Variants in RIMS2 observed in about 807,000 individuals in gnomAD.
The protein encoded by RIMS2 is regulating synaptic membrane exocytosis 2.
Under a neutral mutation model 174.4 loss-of-function variants are expected in RIMS2, and 59 were observed. That is an observed-to-expected ratio of 0.34 (90% CI 0.27 to 0.42). The LOEUF is 0.42. Among genes scored for constraint, RIMS2 ranks in the 10% least tolerant of loss-of-function variants. The probability of loss-of-function intolerance (pLI) is 1.00; values close to 1 mark genes in which losing one functional copy is unlikely to be tolerated. For missense variants in RIMS2, 1,620 were observed against 1,666.3 expected, an observed-to-expected ratio of 0.97 and a Z score of 0.48; for synonymous variants, 606 against 572.5, an observed-to-expected ratio of 1.06 and a Z score of -0.84.
intron 1 of RIMS2, among the ~76,000 whole-genome samples, chr8:103,640,268 C>T (rs992360415): frequency 2.0e-5 from 3 of 151,618 alleles, no homozygotes; most frequent in Non-Finnish European, 4.4e-5. Context: ...TAATTTGTGT[C>T]TTTTCTTTTT....
chr8:104,164,720 A>G (rs1041898459), intron 19 of RIMS2, among the ~76,000 whole-genome samples: 1 of 152,158 alleles, frequency 6.6e-6, no homozygotes, highest in African/African-American at 2.4e-5. Context: ...CAAATACCAC[A>G]TGTTCTTACT....
At chr8:103,568,881 A>T in intron 1 of RIMS2, 1 of 1,149,766 alleles carries the variant, frequency 8.7e-7, no homozygotes. Context: ...AATATTATTA[A>T]AAGAGGCAGG....
At chr8:103,994,403 G>T (rs1414550856) in intron 17 of RIMS2, among the ~76,000 whole-genome samples, 1 of 152,050 alleles carries the variant, frequency 6.6e-6, no homozygotes, top group Non-Finnish European at 1.5e-5. Context: ...TTTAGTAAAT[G>T]TATTGTTTTT....
chr8:103,961,426 A>C (rs910640698), intron 15 of RIMS2, among the ~76,000 whole-genome samples: 1 of 152,152 alleles, frequency 6.6e-6, no homozygotes, highest in Non-Finnish European at 1.5e-5. Context: ...TTGCATAATC[A>C]GACTTTTTTA....
At chr8:103,864,198 T>A (rs1254823227) in intron 3 of RIMS2, among the ~76,000 whole-genome samples, 4 of 152,274 alleles carry the variant, frequency 2.6e-5, no homozygotes, top group East Asian at 3.9e-4. Flanking sequence ...CATCATTATT[T>A]TTTTTTTCTT....
intron 1 of RIMS2, among the ~76,000 whole-genome samples, chr8:103,577,220 A>G (rs1292973473): frequency 1.3e-5 from 2 of 152,212 alleles, no homozygotes; most frequent in Non-Finnish European, 2.9e-5. Context: ...AACTAAACAA[A>G]TTTGCAAGAA....
chr8:103,734,462 T>G (rs1040804921), intron 2 of RIMS2, among the ~76,000 whole-genome samples: 3 of 86,868 alleles, frequency 3.5e-5, no homozygotes, highest in African/African-American at 1.3e-4. Context: ...GGATGGTTCT[T>G]TTTTTTTTTT....
chr8:104,223,766 A>G lies in RIMS2; in HGVS notation c.3335-21150A>G. ...GGCACTGGCCGGCTACTTTCCCTGC[A>G]TGAACTCCCTGGAGGAGGAAGAAGG... On this transcript the variant is annotated intron_variant, in intron 19 of 23. Coordinates refer to ENST00000504942, the Ensembl canonical transcript of RIMS2. The G allele has an allele frequency of 1.9e-6, 3 of 1,596,394 alleles. No individual in the cohort carries two copies. In the South Asian group the frequency reaches 3.3e-5, roughly 18 times the overall value.
At chr8:104,207,870 C>T (rs945401343) in intron 19 of RIMS2, among the ~76,000 whole-genome samples, 17 of 149,820 alleles carry the variant, frequency 1.1e-4, no homozygotes, top group African/African-American at 3.4e-4. Flanking sequence ...GAATAATATT[C>T]GGTAATAGTG....
At chr8:103,510,984 A>G (rs913685855) in intron 1 of RIMS2, among the ~76,000 whole-genome samples, 1 of 152,142 alleles carries the variant, frequency 6.6e-6, no homozygotes, top group African/African-American at 2.4e-5. Context: ...CTTATTTTTT[A>G]AAAAGTATTT....
At chr8:103,647,533 G>C (rs1300247682) in intron 1 of RIMS2, among the ~76,000 whole-genome samples, 2 of 152,140 alleles carry the variant, frequency 1.3e-5, no homozygotes, top group Non-Finnish European at 2.9e-5. Flanking sequence ...GTAGAATTCA[G>C]TTGTGAATCC....
At chr8:103,715,785 A>G (rs1255393383) in intron 2 of RIMS2, among the ~76,000 whole-genome samples, 1 of 152,176 alleles carries the variant, frequency 6.6e-6, no homozygotes, top group Non-Finnish European at 1.5e-5. Context: ...TAAGTATAAA[A>G]GACTTCTGAA....
chr8:103,734,014 C>CT (rs59348302), intron 2 of RIMS2, among the ~76,000 whole-genome samples: 2,698 of 85,630 alleles, frequency 0.032, 138 homozygotes, highest in African/African-American at 0.065. Flanking sequence ...CTAAAAGCTT[C>CT]TTTTTTTTTT....
At chr8:104,056,743 G>A (rs553901632) in intron 19 of RIMS2, among the ~76,000 whole-genome samples, 147 of 152,196 alleles carry the variant, frequency 9.7e-4, no homozygotes, top group African/African-American at 3.4e-3. Flanking sequence ...AAAAACAGCT[G>A]AGCGTGGTAT....
At chr8:104,021,844 C>T (rs953271581) in intron 19 of RIMS2, among the ~76,000 whole-genome samples, 2 of 152,100 alleles carry the variant, frequency 1.3e-5, no homozygotes, top group Admixed American at 6.5e-5. Flanking sequence ...AACCAGTCTC[C>T]CTGAAGGCTA....
At chr8:103,905,778 T>TTC (rs1004848669) in intron 4 of RIMS2, among the ~76,000 whole-genome samples, 4 of 150,836 alleles carry the variant, frequency 2.7e-5, no homozygotes, top group African/African-American at 9.7e-5. Context: ...TTCTTTTCTT[T>TTC]TTTTTTTTTT....
At chr8:103,629,116 C>G (rs979046635) in intron 1 of RIMS2, among the ~76,000 whole-genome samples, 1 of 152,132 alleles carries the variant, frequency 6.6e-6, no homozygotes, top group African/African-American at 2.4e-5. Flanking sequence ...GAGATAGTAC[C>G]CCTTTGCCCC....
At chr8:104,142,120 C>CTTTTTTTTTTTTTTT (rs71297257) in intron 19 of RIMS2, among the ~76,000 whole-genome samples, 2 of 131,996 alleles carry the variant, frequency 1.5e-5, no homozygotes, top group Non-Finnish European at 3.2e-5. Flanking sequence ...AAATATCTTC[C>CTTTTTTTTTTTTTTT]TTTTTTTTTT....
intron 2 of RIMS2, among the ~76,000 whole-genome samples, chr8:103,720,664 A>G (rs1025505164): frequency 6.6e-6 from 1 of 152,172 alleles, no homozygotes; most frequent in Non-Finnish European, 1.5e-5. Context: ...AGGAAATTAG[A>G]CAAACATCCA....
Sources: gnomAD v4.1 joint callset for allele counts (sites outside exome capture counted in the v4.1 genomes callset) on GRCh38, gnomAD v4.1.1 for gene constraint, MANE v1.5 for transcripts, NCBI Gene and HGNC (gene_info 2026-07-23, HGNC 2026-07-21) for gene names.